FGFR2: variants seen among roughly 807,000 people sequenced by gnomAD.
The protein encoded by FGFR2 is BEK fibroblast growth factor receptor.
In FGFR2, 19 loss-of-function variants were observed where a neutral mutation model predicts 95.9. The ratio of observed to expected loss-of-function variants is 0.20; its 90% CI spans 0.14 to 0.29. The LOEUF is 0.29. Ranked by LOEUF, FGFR2 falls within the 10% of genes least tolerant of loss-of-function variation. FGFR2 has a pLI of 1.00. For synonymous variants in FGFR2, 392 were observed against 393.3 expected (o/e 1.00, Z 0.04); for missense variants, 707 against 1,056.9 (o/e 0.67, Z 4.59).
At chr10:121,510,843 C>T (rs931042716) in intron 9 of FGFR2, among the ~76,000 whole-genome samples, 4 of 148,000 alleles carry the variant, frequency 2.7e-5, no homozygotes, top group African/African-American at 1.0e-4. Flanking sequence ...ACTCTGTCAC[C>T]AAGGCTGGAG....
intron 6 of FGFR2, among the ~76,000 whole-genome samples, chr10:121,534,259 T>G (rs2081750): frequency 3.3e-5 from 5 of 151,920 alleles, no homozygotes; most frequent in South Asian, 2.1e-4. Flanking sequence ...CCACCACCCC[T>G]GGGTAATTTT....
At chr10:121,487,110 G>C (rs1462103935) in intron 15 of FGFR2, among the ~76,000 whole-genome samples, 1 of 152,264 alleles carries the variant, frequency 6.6e-6, no homozygotes, top group Non-Finnish European at 1.5e-5. Context: ...TCAAGGGAAG[G>C]ACTTCCGCTC....
At chr10:121,595,539 T>C (rs1863305418) in intron 1 of FGFR2, among the ~76,000 whole-genome samples, 1 of 152,232 alleles carries the variant, frequency 6.6e-6, no homozygotes, top group Non-Finnish European at 1.5e-5. Flanking sequence ...TTCAGATAGC[T>C]TGAAAGATTT....
chr10:121,587,898 A>T (rs45631587), intron 2 of FGFR2, among the ~76,000 whole-genome samples: 3 of 152,226 alleles, frequency 2.0e-5, no homozygotes, highest in Admixed American at 2.0e-4. Flanking sequence ...CTGGGTATAT[A>T]CCCAGAGGAA....
rs2134604746 is a variant in FGFR2, at chr10:121,538,649, A to G, written c.691T>C (p.Cys231Arg). The change falls in exon 6 of 18, where the codon TGT becomes CGT. Residue 231 changes from cysteine to arginine, a missense_variant. Cys to Arg is a radical substitution (Grantham distance 180). Transcript: ENST00000358487. ...GACCCGTATTCATTCTCCACTACAC[A>G]GGTATAATTTCCCTTGTCAGATGGG... ...VVPSDKGNYT[C>R]VVENEYGSIN... The G allele has an allele frequency of 6.2e-7, 1 of 1,614,130 alleles. No homozygotes were observed. Among genetic ancestry groups the G allele is most frequent in the Non-Finnish European group, 8.5e-7 (1 of 1,180,002 alleles).
intron 13 of FGFR2, among the ~76,000 whole-genome samples, chr10:121,496,270 C>T (rs998761434): frequency 2.0e-5 from 3 of 151,906 alleles, no homozygotes; most frequent in African/African-American, 7.3e-5. Flanking sequence ...AGCTGAATTC[C>T]GAGGGAAATC....
rs140427785 is a variant in FGFR2 at position 121,520,099 on chromosome 10, G to A, written c.819C>T (p.Asp273=). 14 of 1,614,198 alleles carry A rather than the reference G, an allele frequency of 8.7e-6. No homozygotes were observed. The highest frequency in any genetic ancestry group is 2.2e-5 in the East Asian group (1 of 44,884). Residue 273 remains aspartate (D), a synonymous_variant, in exon 7 of 18, where the codon GAC becomes GAT. Coordinates refer to ENST00000358487, the MANE Select transcript of FGFR2 (RefSeq NM_000141.5). The stretch of plus-strand genomic sequence containing the variant: ...TGTAAACCTTGCAGACAAACTCTAC[G>A]TCTCCTCCGACCACTGTGGAGGCAT... ...PANASTVVGG[D]VEFVCKVYSD... is the part of the protein sequence containing the mutation.
intron 4 of FGFR2, among the ~76,000 whole-genome samples, chr10:121,562,256 C>T (rs764284078): frequency 9.8e-4 from 131 of 132,998 alleles, no homozygotes; most frequent in Non-Finnish European, 1.5e-3. Context: ...TTATTTGCAA[C>T]TGTCAAAACT....
At chr10:121,532,072 C>T (rs943019493) in intron 6 of FGFR2, among the ~76,000 whole-genome samples, 8 of 152,124 alleles carry the variant, frequency 5.3e-5, no homozygotes, top group African/African-American at 1.7e-4. Flanking sequence ...ATGCAGAGCC[C>T]GTGTCAGGGT....
intron 13 of FGFR2, among the ~76,000 whole-genome samples, chr10:121,495,354 A>C (rs1564872752): frequency 6.6e-6 from 1 of 152,104 alleles, no homozygotes; most frequent in Non-Finnish European, 1.5e-5. Flanking sequence ...GTCTCTACCA[A>C]AACAAAAAAC....
intron 9 of FGFR2, among the ~76,000 whole-genome samples, chr10:121,507,643 T>C (rs56101508): frequency 3.0e-4 from 46 of 151,980 alleles, no homozygotes; most frequent in African/African-American, 1.0e-3. Context: ...AATGTGATGA[T>C]AAAATGAGGG....
intron 2 of FGFR2, among the ~76,000 whole-genome samples, chr10:121,588,584 T>C (rs557462402): frequency 3.8e-4 from 58 of 151,544 alleles, no homozygotes; most frequent in African/African-American, 1.4e-3. Context: ...ACAGCAAAAA[T>C]CTCTAAATCA....
chr10:121,524,091 C>T (rs1005923953), intron 6 of FGFR2, among the ~76,000 whole-genome samples: 4 of 137,392 alleles, frequency 2.9e-5, no homozygotes, highest in South Asian at 2.3e-4. Flanking sequence ...AATGCTATCC[C>T]GGCTATGTAT....
intron 2 of FGFR2, among the ~76,000 whole-genome samples, chr10:121,587,282 C>G (rs1238916811): frequency 6.6e-6 from 1 of 152,098 alleles, no homozygotes; most frequent in Non-Finnish European, 1.5e-5. Context: ...ACTTAAATGT[C>G]AAATCCAAAA....
intron 9 of FGFR2, among the ~76,000 whole-genome samples, chr10:121,506,087 G>C (rs1027241380): frequency 2.0e-5 from 3 of 152,102 alleles, no homozygotes; most frequent in Non-Finnish European, 4.4e-5. Flanking sequence ...GCCAGGCGCG[G>C]TGGCTCACGC....
intron 17 of FGFR2, chr10:121,482,177 T>C: frequency 6.2e-7 from 1 of 1,612,892 alleles, no homozygotes; most frequent in Non-Finnish European, 8.5e-7. Context: ...AACTTTCAGA[T>C]CTGATAGGAA....
rs191674521 is a variant in FGFR2 at position 121,569,697 on chromosome 10, C to T, written c.110-3993G>A. Among the ~76,000 whole-genome samples the T allele has an allele frequency of 4.0e-4, 61 of 152,298 alleles. 1 individual carries two copies. In the East Asian group the frequency reaches 7.7e-3, roughly 19 times the overall value. On this transcript the variant is annotated intron_variant, in intron 2 of 17. Transcript: ENST00000358487. ...GTAAAATATCACCCCCTAAAATACA[C>T]CAATGAGATAATGATGTTTATCCAT...
intron 9 of FGFR2, among the ~76,000 whole-genome samples, chr10:121,504,355 T>C (rs995628755): frequency 3.9e-5 from 6 of 152,224 alleles, no homozygotes; most frequent in Non-Finnish European, 7.3e-5. Context: ...CATGGATCAA[T>C]GCTGTGCTTA....
intron 9 of FGFR2, among the ~76,000 whole-genome samples, chr10:121,506,224 G>T (rs373467555): frequency 3.9e-5 from 6 of 152,004 alleles, no homozygotes; most frequent in African/African-American, 1.4e-4. Flanking sequence ...CGGTTGTGGT[G>T]GTAGGCGCCT....
Sources: gnomAD v4.1 joint callset for allele counts (sites outside exome capture counted in the v4.1 genomes callset) on GRCh38, gnomAD v4.1.1 for gene constraint, MANE v1.5 for transcripts, NCBI Gene and HGNC (gene_info 2026-07-23, HGNC 2026-07-21) for gene names.